MARCHF8: variants seen among roughly 807,000 people sequenced by gnomAD.
MARCHF8 encodes the protein membrane associated ring-CH-type finger 8.
A neutral mutation model predicts 51.6 loss-of-function variants in MARCHF8; 40 were observed. That is an observed-to-expected ratio of 0.77 (90% confidence interval 0.60 to 1.01). The LOEUF is 1.01. Ranked by LOEUF, MARCHF8 falls within the 50% of genes least tolerant of loss-of-function variation. The pLI, the probability that MARCHF8 is intolerant of heterozygous loss-of-function variation, is 0.00. For missense variants in MARCHF8, 685 were observed against 708.6 expected (o/e 0.97, Z 0.38); for synonymous variants, 263 against 280.3 (o/e 0.94, Z 0.62).
At position 45,490,709 on chromosome 10, in the gene MARCHF8, C is replaced by T. The variant is rs1004595993; in HGVS notation, c.103-1292G>A. 7.2e-4 allele frequency among the ~76,000 whole-genome samples: 109 copies of T among 152,100 alleles called. 1 individual carries two copies. Among genetic ancestry groups the T allele is most frequent in the African/African-American group, 2.5e-3 (105 of 41,392 alleles). On this transcript the variant is annotated intron_variant, in intron 2 of 7. Transcript: ENST00000453424. ...TGAATCTACTCATTCTTGCTCTAAA[C>T]CCAAATGAGTAACAAAAACTATTGC...
At chr10:45,490,895 G>T (rs533705054) in intron 2 of MARCHF8, among the ~76,000 whole-genome samples, 29 of 152,222 alleles carry the variant, frequency 1.9e-4, no homozygotes, top group Non-Finnish European at 3.4e-4. Flanking sequence ...GTGCCAACAT[G>T]TCTGACTAAA....
chr10:45,478,512 A>G (rs2042825682), intron 3 of MARCHF8, among the ~76,000 whole-genome samples: 1 of 152,092 alleles, frequency 6.6e-6, no homozygotes, highest in East Asian at 1.9e-4. Flanking sequence ...CAAATCCAAA[A>G]TTAGTAAAAG....
chr10:45,507,242 A>G (rs906469584), intron 2 of MARCHF8, among the ~76,000 whole-genome samples: 5 of 134,324 alleles, frequency 3.7e-5, no homozygotes, highest in Middle Eastern at 4.0e-3. Flanking sequence ...TTTATTAAGG[A>G]AAAAAAAATA....
chr10:45,515,519 T>A (rs1290390764), intron 2 of MARCHF8, among the ~76,000 whole-genome samples: 1 of 152,246 alleles, frequency 6.6e-6, no homozygotes, highest in Non-Finnish European at 1.5e-5. Flanking sequence ...ACCTATTTTA[T>A]CACTTCTGAA....
chr10:45,550,403 G>C (rs2044181639), intron 1 of MARCHF8, among the ~76,000 whole-genome samples: 2 of 152,150 alleles, frequency 1.3e-5, no homozygotes, highest in Admixed American at 1.3e-4. Context: ...GCCAAAGTTT[G>C]TAACAGAAAA....
chr10:45,471,460 T>C (rs1188874864), intron 3 of MARCHF8, among the ~76,000 whole-genome samples: 1 of 152,246 alleles, frequency 6.6e-6, no homozygotes, highest in Non-Finnish European at 1.5e-5. Context: ...GATGTAACCA[T>C]ATAAAAATCC....
intron 2 of MARCHF8, among the ~76,000 whole-genome samples, chr10:45,494,685 T>C (rs1217651664): frequency 6.6e-6 from 1 of 152,240 alleles, no homozygotes; most frequent in East Asian, 1.9e-4. Context: ...CCATTGCCCA[T>C]TTCTCTGGAA....
chr10:45,531,024 A>G (rs1210341191), intron 2 of MARCHF8, among the ~76,000 whole-genome samples: 1 of 152,234 alleles, frequency 6.6e-6, no homozygotes, highest in Non-Finnish European at 1.5e-5. Context: ...CTGGCAGATT[A>G]GATATTGAAA....
intron 2 of MARCHF8, among the ~76,000 whole-genome samples, chr10:45,528,023 G>A (rs1469650363): frequency 6.6e-6 from 1 of 152,146 alleles, no homozygotes; most frequent in African/African-American, 2.4e-5. Context: ...GATAGATACA[G>A]AAAAAGCATT....
chr10:45,455,707 AG>A lies in MARCHF8; in HGVS notation c.*2531del, dbSNP rs1426264996. The A allele has an allele frequency of 5.3e-5, 8 of 152,298 alleles. No individual in the cohort carries two copies. The highest frequency in any genetic ancestry group is 3.9e-4 in the East Asian group (2 of 5,194). The allele number at this position is 152,298 out of a possible 1,614,324, so 9.4% of individuals were successfully genotyped here. On this transcript the variant is annotated 3_prime_UTR_variant, in exon 8 of 8. Coordinates refer to ENST00000453424, the MANE Select transcript of MARCHF8 (RefSeq NM_001282866.2). ...TCACTGCTAGATGCAGGGGGCTAGA[AG>A]GGTCTGATGAATCAGGAGCTGAACT... is the stretch of plus-strand genomic sequence containing the variant.
chr10:45,509,099 G>A (rs977910073), intron 2 of MARCHF8, among the ~76,000 whole-genome samples: 2 of 152,178 alleles, frequency 1.3e-5, no homozygotes, highest in Non-Finnish European at 2.9e-5. Flanking sequence ...GGTACTTTGG[G>A]GCACAGGCTT....
intron 1 of MARCHF8, among the ~76,000 whole-genome samples, chr10:45,588,555 T>C (rs2044643030): frequency 6.6e-6 from 1 of 152,242 alleles, no homozygotes; most frequent in Non-Finnish European, 1.5e-5. Context: ...AGACTTGTAT[T>C]ATACAGAGAT....
chr10:45,528,073 A>C (rs748004535), intron 2 of MARCHF8, among the ~76,000 whole-genome samples: 5 of 152,230 alleles, frequency 3.3e-5, no homozygotes, highest in Admixed American at 1.3e-4. Context: ...AAACCACTCA[A>C]CAACTTGGTG....
At chr10:45,525,517 T>C (rs2043776987) in intron 2 of MARCHF8, among the ~76,000 whole-genome samples, 1 of 152,154 alleles carries the variant, frequency 6.6e-6, no homozygotes, top group South Asian at 2.1e-4. Flanking sequence ...TTCCAGATAA[T>C]TCATGTAAAG....
chr10:45,458,985 G>C, intron 7 of MARCHF8, 135 bp downstream of exon 7: 1 of 1,057,688 alleles, frequency 9.5e-7, no homozygotes. Flanking sequence ...CCAAAAAGGA[G>C]GCTAGTGCCT....
At position 45,464,302 on chromosome 10, in the gene MARCHF8, G is replaced by A. The variant is rs781432750; in HGVS notation, c.179C>T (p.Ala60Val). ...AGAGAAGGAGGACACCGGAGCCGGA[G>A]CTGATGCTGACGGAGGACTCCCAGC... The part of the protein sequence containing the change: ...SKAGSPPSAS[A>V]PAPVSSFSRT... The change falls in exon 4 of 8, where the codon GCT becomes GTT. Residue 60 changes from alanine to valine, a missense_variant. By Grantham distance (64) the Ala-to-Val change is moderately conservative. Coordinates refer to ENST00000453424, the MANE Select transcript of MARCHF8 (RefSeq NM_001282866.2). The A allele has an allele frequency of 6.2e-7, 1 of 1,614,224 alleles. No individual in the cohort carries two copies. Among genetic ancestry groups the A allele is most frequent in the Non-Finnish European group, 8.5e-7 (1 of 1,180,044 alleles).
At chr10:45,538,636 C>T (rs557478932), upstream of MARCHF8, among the ~76,000 whole-genome samples, 16 of 151,662 alleles carry the variant, frequency 1.1e-4, no homozygotes, top group Admixed American at 2.6e-4. Flanking sequence ...ACCAAGCAAA[C>T]GGAAAACAAA....
At chr10:45,541,241 T>TA (rs1425026126) in intron 1 of MARCHF8, among the ~76,000 whole-genome samples, 4 of 152,016 alleles carry the variant, frequency 2.6e-5, no homozygotes, top group Admixed American at 6.6e-5. Context: ...TATGCAGCCA[T>TA]AAAAAAGGAT....
chr10:45,505,416 G>A (rs766878789), intron 2 of MARCHF8, among the ~76,000 whole-genome samples: 38 of 152,098 alleles, frequency 2.5e-4, no homozygotes, highest in Non-Finnish European at 5.0e-4. Context: ...AGTTGCTATC[G>A]CCAAATTCTG....
Sources: gnomAD v4.1 joint callset for allele counts (sites outside exome capture counted in the v4.1 genomes callset) on GRCh38, gnomAD v4.1.1 for gene constraint, MANE v1.5 for transcripts, NCBI Gene and HGNC (gene_info 2026-07-23, HGNC 2026-07-21) for gene names.